Variants in STXBP5 observed in about 807,000 individuals in gnomAD.
The protein encoded by STXBP5 is syntaxin binding protein 5, also known as syntaxin-binding protein 5.
Under a neutral mutation model 152.4 loss-of-function variants are expected in STXBP5, and 50 were observed. The ratio of observed to expected loss-of-function variants is 0.33; its 90% CI spans 0.26 to 0.42. The LOEUF is 0.42. Among genes scored for constraint, STXBP5 ranks in the 10% least tolerant of loss-of-function variants. STXBP5 has a pLI of 1.00. For synonymous variants in STXBP5, 492 were observed against 494.7 expected, an observed-to-expected ratio of 0.99 and a Z score of 0.07; for missense variants, 1,167 against 1,388.6, an observed-to-expected ratio of 0.84 and a Z score of 2.54.
At chr6:147,346,181 C>A (rs1171393295) in intron 21 of STXBP5, among the ~76,000 whole-genome samples, 2 of 152,142 alleles carry the variant, frequency 1.3e-5, no homozygotes, top group African/African-American at 4.8e-5. Flanking sequence ...TTGATAAGTA[C>A]AGTGAAACGA....
chr6:147,228,004 G>A (rs1459287657), intron 2 of STXBP5, among the ~76,000 whole-genome samples: 1 of 152,030 alleles, frequency 6.6e-6, no homozygotes, highest in Non-Finnish European at 1.5e-5. Flanking sequence ...TCATGAACCT[G>A]CCTCCAGTGA....
chr6:147,316,442 A>G (rs369677612), intron 16 of STXBP5, 35 bp downstream of exon 16: 241 of 1,422,680 alleles, frequency 1.7e-4, no homozygotes, highest in Non-Finnish European at 2.2e-4. Context: ...AGTTTTGGAT[A>G]TTATCTTTTA....
Position 147,316,263 on chromosome 6 carries a change from A to T in STXBP5, c.1658A>T (p.Asp553Val). 1 of 1,614,010 alleles carries T rather than the reference A, an allele frequency of 6.2e-7. No individual in the cohort carries two copies. The highest frequency in any genetic ancestry group is 1.7e-5 in the Admixed American group (1 of 59,970). Reference protein sequence around the residue: ...LEVRLLYEINDVETPEGEQPP... With the variant: ...LEVRLLYEINVVETPEGEQPP... ...GTTCGATTATTATATGAGATAAATG[A>T]TGTGGAAACTCCGGAGGGTGAGCAG... Residue 553 changes from aspartate to valine, a missense_variant, in exon 16 of 28, where the codon GAT becomes GTT. Transcript: ENST00000321680.
At chr6:147,272,556 G>C (rs1780225493) in intron 7 of STXBP5, among the ~76,000 whole-genome samples, 1 of 152,048 alleles carries the variant, frequency 6.6e-6, no homozygotes, top group Non-Finnish European at 1.5e-5. Context: ...AGATATTCAA[G>C]AAATTATTAT....
At chr6:147,232,466 T>G (rs887992108) in intron 2 of STXBP5, among the ~76,000 whole-genome samples, 29 of 151,848 alleles carry the variant, frequency 1.9e-4, no homozygotes, top group Admixed American at 1.6e-3. Context: ...TTAAATTTTT[T>G]GTTATGGAGT....
intron 6 of STXBP5, among the ~76,000 whole-genome samples, chr6:147,265,768 C>T (rs892731886): frequency 1.4e-4 from 21 of 152,144 alleles, no homozygotes; most frequent in Middle Eastern, 3.4e-3. Context: ...TTATAACATA[C>T]CTGGCCCTGT....
chr6:147,260,866 A>G lies in STXBP5; in HGVS notation c.566+117A>G, dbSNP rs549991684. The G allele has an allele frequency of 7.1e-6, 9 of 1,274,618 alleles. No individual in the cohort carries two copies. The East Asian group carries it at 1.7e-4, about 25-fold the overall frequency. 79.0% of individuals were successfully genotyped at this position (1,274,618 alleles called of 1,614,324 possible). ...ATTAAATATGTGACAGATGTTCTTA[A>G]TATTAAGTACAGATTTATTAGTTTT... is the stretch of plus-strand genomic sequence containing the variant. On this transcript the variant is annotated intron_variant, in intron 5 of 27. Coordinates refer to ENST00000321680, the MANE Select transcript of STXBP5 (RefSeq NM_001127715.4).
Position 147,359,286 on chromosome 6 carries a change from G to A in STXBP5, c.2508G>A (p.Glu836=). 2 of 1,613,942 alleles carry A rather than the reference G, an allele frequency of 1.2e-6. No individual in the cohort carries two copies. The highest frequency in any genetic ancestry group is 1.7e-6 in the Non-Finnish European group (2 of 1,179,892). ...VIALNLPPGG[E]QRLLQPVIVS... ...CACTGAACCTTCCCCCAGGGGGAGAGCAAAGACTTCTTCAGCCAGTAATTG... is the reference window on the plus strand; with the variant it reads ...CACTGAACCTTCCCCCAGGGGGAGAACAAAGACTTCTTCAGCCAGTAATTG... Residue 836 remains glutamate, a synonymous_variant, in exon 23 of 28, where the codon GAG becomes GAA. Transcript: ENST00000321680.
chr6:147,287,225 C>T (rs1156749960), intron 8 of STXBP5, among the ~76,000 whole-genome samples: 16 of 87,612 alleles, frequency 1.8e-4, no homozygotes, highest in Admixed American at 2.1e-4. Context: ...TTTTTTGAGA[C>T]GGAGTCTCGC....
At chr6:147,320,949 G>A (rs1782907389) in intron 16 of STXBP5, among the ~76,000 whole-genome samples, 1 of 152,004 alleles carries the variant, frequency 6.6e-6, no homozygotes, top group Non-Finnish European at 1.5e-5. Flanking sequence ...AAATTAATTT[G>A]TTAGTAATAA....
intron 2 of STXBP5, among the ~76,000 whole-genome samples, chr6:147,212,333 T>G (rs773364752): frequency 3.3e-5 from 5 of 152,350 alleles, no homozygotes; most frequent in Admixed American, 2.0e-4. Context: ...CTTTGTTTTC[T>G]GTTTGGTTTT....
In STXBP5 at chr6:147,257,661, A is replaced by C. The variant is rs190443847; in HGVS notation, c.432-2954A>C. Among the ~76,000 whole-genome samples, 489 of 152,334 alleles carry C rather than the reference A, an allele frequency of 3.2e-3. 2 individuals carry two copies. The highest frequency in any genetic ancestry group is 0.011 in the African/African-American group (468 of 41,580). On this transcript the variant is annotated intron_variant, in intron 4 of 27. Coordinates refer to ENST00000321680, the MANE Select transcript of STXBP5 (RefSeq NM_001127715.4). ...AGTATTTCAGCTTCATGAAACATACACTGTTTGCATTCCTGAAAAGTTTTG... is the reference window on the plus strand; with the variant it reads ...AGTATTTCAGCTTCATGAAACATACCCTGTTTGCATTCCTGAAAAGTTTTG...
At chr6:147,293,869 G>A (rs1781394414) in intron 9 of STXBP5, among the ~76,000 whole-genome samples, 1 of 151,936 alleles carries the variant, frequency 6.6e-6, no homozygotes, top group African/African-American at 2.4e-5. Flanking sequence ...TGAAAGCATG[G>A]TGGTGCTGAA....
At chr6:147,329,467 A>C (rs763403312) in intron 18 of STXBP5, among the ~76,000 whole-genome samples, 158 of 150,872 alleles carry the variant, frequency 1.0e-3, no homozygotes, top group Non-Finnish European at 1.8e-3. Context: ...TGATCCCCCC[A>C]AATTTATAAA....
intron 9 of STXBP5, among the ~76,000 whole-genome samples, chr6:147,308,065 T>C (rs1226976791): frequency 6.6e-6 from 1 of 152,198 alleles, no homozygotes; most frequent in Non-Finnish European, 1.5e-5. Context: ...TCTCGAAATA[T>C]TACATATAGA....
chr6:147,363,466 T>C lies in STXBP5; in HGVS notation c.2677T>C (p.Leu893=), dbSNP rs756199150. ...VPEEKDEKEK[L]KKRRPVSVSP... is the part of the protein sequence containing the mutation. The stretch of plus-strand genomic sequence containing the variant: ...TGAAGAAAAAGACGAAAAGGAGAAA[T>C]TGAAAAAACGGCGGCCTGTCTCAGT... Residue 893 remains leucine (L), a synonymous_variant, in exon 24 of 28, where the codon TTG becomes CTG. Coordinates refer to ENST00000321680, the MANE Select transcript of STXBP5 (RefSeq NM_001127715.4). The C allele has an allele frequency of 9.3e-6, 15 of 1,613,894 alleles. No homozygotes were observed. Among genetic ancestry groups the C allele is most frequent in the Middle Eastern group, 1.6e-4 (1 of 6,084 alleles).
At chr6:147,374,692 C>G (rs1257902174) in intron 26 of STXBP5, among the ~76,000 whole-genome samples, 1 of 152,074 alleles carries the variant, frequency 6.6e-6, no homozygotes, top group Non-Finnish European at 1.5e-5. Flanking sequence ...GGGAAAGAAG[C>G]CCAGAGCGGA....
At chr6:147,344,417 C>G (rs2128400753) in intron 21 of STXBP5, among the ~76,000 whole-genome samples, 1 of 152,316 alleles carries the variant, frequency 6.6e-6, no homozygotes, top group African/African-American at 2.4e-5. Flanking sequence ...AATTTATGTT[C>G]TGTCATTACT....
In STXBP5 at chr6:147,339,372, G is replaced by A. The variant is rs1783987161; in HGVS notation, c.2242G>A (p.Ala748Thr). The change falls in exon 21 of 28, where the codon GCC becomes ACC. Residue 748 changes from alanine (A) to threonine (T), a missense_variant. This residue lies in a region of STXBP5 where 833 missense variants were observed against 986.3 expected (regional missense o/e 0.84). Coordinates refer to ENST00000321680, the MANE Select transcript of STXBP5 (RefSeq NM_001127715.4). ...TKSRKFSKMV[A>T]NDIAKMSRKL... is the part of the protein sequence containing the mutation. ...AAGCAGAAAGTTTTCCAAGATGGTA[G>A]CCAATGATATAGGTAGGAAATAGAA... 4.0e-6 allele frequency: 6 copies of A among 1,499,128 alleles called. No homozygotes were observed. The highest frequency in any genetic ancestry group is 2.8e-5 in the Admixed American group (1 of 35,834). The allele number at this position is 1,499,128 out of a possible 1,614,324, so 92.9% of individuals were successfully genotyped here.
Sources: gnomAD v4.1 joint callset for allele counts (sites outside exome capture counted in the v4.1 genomes callset) on GRCh38, gnomAD v4.1.1 for gene constraint, gnomAD v4.1.1 regional missense constraint, MANE v1.5 for transcripts, NCBI Gene and HGNC (gene_info 2026-07-23, HGNC 2026-07-21) for gene names.